Variants in LPXN observed in about 807,000 individuals in gnomAD.
The protein encoded by LPXN is leupaxin.
LPXN carries 28 observed loss-of-function variants against 45.6 expected under a neutral mutation model. The ratio of observed to expected loss-of-function variants is 0.61; its 90% confidence interval spans 0.45 to 0.84. LPXN has a LOEUF of 0.84. Ranked by LOEUF, LPXN falls within the 40% of genes least tolerant of loss-of-function variation. The pLI is 0.00. For synonymous variants in LPXN, 166 were observed against 169.9 expected (o/e 0.98, Z 0.18); for missense variants, 459 against 475.0 (o/e 0.97, Z 0.31).
At position 58,527,044 on chromosome 11, in the gene LPXN, G is replaced by T. The variant is rs982704270; in HGVS notation, c.*410C>A. 3 of 169,016 alleles carry T rather than the reference G, an allele frequency of 1.8e-5. No individual in the cohort carries two copies. The highest frequency in any genetic ancestry group is 7.2e-5 in the African/African-American group (3 of 41,844). The allele number at this position is 169,016 out of a possible 1,614,324, so 10.5% of individuals were successfully genotyped here. A position where few individuals can be genotyped will look rare whatever the true frequency, so the allele number is the denominator to read the frequency against. ...TAAGACAGTGAGCCACAGGGAAATG[G>T]GAAAACGTGAAAAGAAACAAGTATC... On this transcript the variant is annotated 3_prime_UTR_variant, in exon 9 of 9. Coordinates refer to ENST00000395074, the MANE Select transcript of LPXN (RefSeq NM_004811.3).
At position 58,557,289 on chromosome 11, in the gene LPXN, G is replaced by A. The variant is rs570405917; in HGVS notation, c.219-2349C>T. On this transcript the variant is annotated intron_variant, in intron 3 of 8. Coordinates refer to ENST00000395074, the MANE Select transcript of LPXN (RefSeq NM_004811.3). ...CACAATTCACAATAGCCAAGAGGTG[G>A]AAACAACTTAAGTGTCCATCAATGG... Among the ~76,000 whole-genome samples the A allele has an allele frequency of 1.9e-3, 287 of 152,194 alleles. 2 individuals carry two copies. Among genetic ancestry groups the A allele is most frequent in the African/African-American group, 6.5e-3 (270 of 41,510 alleles).
chr11:58,551,016 CAGAG>C (rs750458773), intron 5 of LPXN, 45 bp downstream of exon 5: 4 of 1,482,326 alleles, frequency 2.7e-6, no homozygotes, highest in Non-Finnish European at 3.6e-6. Flanking sequence ...CTTGATGAGA[CAGAG>C]AGAGACAAAG....
At chr11:58,540,154 T>C (rs1198804644) in intron 7 of LPXN, among the ~76,000 whole-genome samples, 1 of 151,664 alleles carries the variant, frequency 6.6e-6, no homozygotes, top group Non-Finnish European at 1.5e-5. Context: ...ATATAGGAAA[T>C]GGGGGCAGGA....
chr11:58,532,017 G>A (rs868247174), intron 7 of LPXN, among the ~76,000 whole-genome samples: 11 of 152,344 alleles, frequency 7.2e-5, no homozygotes, highest in African/African-American at 1.7e-4. Context: ...CGGGTAGCAC[G>A]GGATCAGCAG....
chr11:58,540,211 A>C (rs1346039622), intron 7 of LPXN, among the ~76,000 whole-genome samples: 1 of 152,160 alleles, frequency 6.6e-6, no homozygotes, highest in African/African-American at 2.4e-5. Context: ...TCAAATAAAG[A>C]ATATGGGATA....
intron 1 of LPXN, among the ~76,000 whole-genome samples, chr11:58,573,477 C>T (rs1854777717): frequency 6.6e-6 from 1 of 152,084 alleles, no homozygotes; most frequent in Non-Finnish European, 1.5e-5. Flanking sequence ...AATAAAAAGC[C>T]ATTTACAATA....
Position 58,528,040 on chromosome 11 carries a change from G to C in LPXN, c.891+3C>G. On this transcript the variant is annotated splice_donor_region_variant and intron_variant, in intron 8 of 8. Transcript: ENST00000395074. ...AGTCCGAAAGAAAAGTGATTATACA[G>C]ACCCCACAAACAAAGCACTCTGGGT... 1.2e-6 allele frequency: 2 copies of C among 1,613,544 alleles called. No individual in the cohort carries two copies. Among genetic ancestry groups the C allele is most frequent in the Non-Finnish European group, 1.7e-6 (2 of 1,179,706 alleles).
At chr11:58,528,802 T>C (rs541829689) in intron 7 of LPXN, among the ~76,000 whole-genome samples, 57 of 152,344 alleles carry the variant, frequency 3.7e-4, no homozygotes, top group African/African-American at 1.3e-3. Context: ...CAATGACTCA[T>C]ACCATATATT....
intron 7 of LPXN, among the ~76,000 whole-genome samples, chr11:58,539,752 T>C (rs1016964999): frequency 2.0e-5 from 3 of 152,210 alleles, no homozygotes; most frequent in East Asian, 1.9e-4. Context: ...CTCTTATTAA[T>C]AGAAAGTGTC....
intron 1 of LPXN, among the ~76,000 whole-genome samples, chr11:58,572,880 T>A (rs1397451333): frequency 2.0e-5 from 3 of 152,152 alleles, no homozygotes; most frequent in Admixed American, 1.3e-4. Context: ...GATGGGTATA[T>A]CAGAATTCAT....
intron 7 of LPXN, among the ~76,000 whole-genome samples, chr11:58,536,622 C>G (rs1191470146): frequency 6.6e-6 from 1 of 152,052 alleles, no homozygotes; most frequent in East Asian, 1.9e-4. Flanking sequence ...GACTAAAACA[C>G]CAAAAGCAAT....
chr11:58,534,130 A>G (rs965036417), intron 7 of LPXN, among the ~76,000 whole-genome samples: 2 of 152,222 alleles, frequency 1.3e-5, no homozygotes, highest in African/African-American at 4.8e-5. Flanking sequence ...CAGAAAATTA[A>G]CAAGGATATT....
At chr11:58,532,827 CT>C (rs1156558640) in intron 7 of LPXN, among the ~76,000 whole-genome samples, 1 of 152,246 alleles carries the variant, frequency 6.6e-6, no homozygotes, top group African/African-American at 2.4e-5. Flanking sequence ...CCCTTCCACA[CT>C]GTAGAAGTTT....
chr11:58,578,240 A>G, upstream of LPXN: 1 of 626,882 alleles, frequency 1.6e-6, no homozygotes. Context: ...GTCGCGACCT[A>G]ACCCGGAAAC....
At chr11:58,541,343 C>CA (rs1314020535) in intron 7 of LPXN, among the ~76,000 whole-genome samples, 3 of 151,786 alleles carry the variant, frequency 2.0e-5, no homozygotes, top group Admixed American at 2.0e-4. Flanking sequence ...AAATTTACAA[C>CA]AAAAAAACAA....
At chr11:58,536,013 C>T (rs1246171839) in intron 7 of LPXN, among the ~76,000 whole-genome samples, 1 of 152,146 alleles carries the variant, frequency 6.6e-6, no homozygotes, top group Non-Finnish European at 1.5e-5. Flanking sequence ...TAAAACAGGA[C>T]ACAATCAAAT....
chr11:58,539,916 TC>T (rs1221354241), intron 7 of LPXN, among the ~76,000 whole-genome samples: 1 of 152,172 alleles, frequency 6.6e-6, no homozygotes, highest in East Asian at 1.9e-4. Flanking sequence ...TAGGTAATTG[TC>T]ATTAATGGGG....
upstream of LPXN, chr11:58,578,245 G>A (rs1854969926): frequency 1.7e-6 from 1 of 591,354 alleles, no homozygotes; most frequent in East Asian, 3.5e-5. Flanking sequence ...GACCTAACCC[G>A]GAAACACTGC....
chr11:58,541,991 G>A (rs1011904403), intron 7 of LPXN, among the ~76,000 whole-genome samples: 2 of 151,328 alleles, frequency 1.3e-5, no homozygotes, highest in African/African-American at 4.9e-5. Context: ...ATTGAACAAT[G>A]AGAACACATG....
Sources: allele counts gnomAD v4.1 joint callset (sites outside exome capture counted in the v4.1 genomes callset), GRCh38; gene constraint gnomAD v4.1.1; transcripts MANE v1.5; gene names NCBI Gene and HGNC (gene_info 2026-07-23, HGNC 2026-07-21).